The following NBEA variants were observed in gnomAD, a reference collection of about 807,000 sequenced individuals.
NBEA encodes lysosomal-trafficking regulator 2.
A neutral mutation model predicts 343.4 loss-of-function variants in NBEA; 44 were observed. The ratio of observed to expected loss-of-function variants is 0.13; its 90% CI spans 0.10 to 0.16. The LOEUF is 0.16. Ranked by LOEUF, NBEA falls within the 10% of genes least tolerant of loss-of-function variation. The pLI is 1.00. For missense variants in NBEA, 2,555 were observed against 3,631.3 expected (o/e 0.70, Z 7.62); for synonymous variants, 1,175 against 1,238.7 (o/e 0.95, Z 1.08).
At chr13:35,045,432 T>C in intron 4 of NBEA, 31 bp downstream of exon 4, 1 of 1,491,730 alleles carries the variant, frequency 6.7e-7, no homozygotes, top group South Asian at 1.2e-5. Context: ...CTGATTTTTA[T>C]TTATTTATTT....
chr13:35,369,927 CT>C (rs1247729311), intron 38 of NBEA, among the ~76,000 whole-genome samples: 1 of 151,806 alleles, frequency 6.6e-6, no homozygotes, highest in African/African-American at 2.4e-5. Context: ...CTTGTTGAGA[CT>C]TATTTTGTGT....
At chr13:35,273,823 G>C (rs1453995221) in intron 34 of NBEA, among the ~76,000 whole-genome samples, 2 of 152,028 alleles carry the variant, frequency 1.3e-5, no homozygotes, top group African/African-American at 4.8e-5. Flanking sequence ...GGAAGAAGTT[G>C]AATCTCTGAA....
At position 35,070,862 on chromosome 13, in the gene NBEA, C is replaced by G; in HGVS notation, c.1571+10C>G. 6.2e-7 allele frequency: 1 copy of G among 1,609,418 alleles called. No individual in the cohort carries two copies. On this transcript the variant is annotated intron_variant, in intron 10 of 58. Coordinates refer to ENST00000379939, the MANE Select transcript of NBEA (RefSeq NM_001385012.1). ...TGGAAACAACTGTCTGGTAAGTTTT[C>G]TTTGCATGTACAATTGCTGGTATTT...
intron 33 of NBEA, among the ~76,000 whole-genome samples, chr13:35,220,327 C>T (rs2074294780): frequency 6.6e-6 from 1 of 152,146 alleles, no homozygotes; most frequent in East Asian, 1.9e-4. Context: ...TTCTGAATGT[C>T]TGACCTCCAC....
intron 14 of NBEA, among the ~76,000 whole-genome samples, chr13:35,117,880 A>G (rs1407982631): frequency 1.3e-5 from 2 of 152,158 alleles, no homozygotes; most frequent in East Asian, 3.9e-4. Flanking sequence ...ATTGTGAGAT[A>G]GTACACAAAA....
chr13:35,584,327 T>C (rs2081190610), intron 46 of NBEA, among the ~76,000 whole-genome samples: 1 of 151,052 alleles, frequency 6.6e-6, no homozygotes, highest in Non-Finnish European at 1.5e-5. Flanking sequence ...TTTTTTTTTT[T>C]TTTTCAGTGA....
In NBEA at chr13:35,045,398, T is replaced by C. The variant is rs576766364; in HGVS notation, c.720T>C (p.Ala240=). 1 of 1,604,078 alleles carries C rather than the reference T, an allele frequency of 6.2e-7. No homozygotes were observed. The highest frequency in any genetic ancestry group is 1.3e-5 in the African/African-American group (1 of 74,644). ...DTFFNFPGCS[A]AAIALPPIAK... ...TTTTCAATTTCCCTGGTTGTAGCGC[T>C]GCGGTAAGTTTTAAATACATGTGCT... The change falls in exon 4 of 59, where the codon GCT becomes GCC. Residue 240 remains alanine, a synonymous_variant. Coordinates refer to ENST00000379939, the MANE Select transcript of NBEA (RefSeq NM_001385012.1).
At chr13:35,099,631 G>A (rs2065534824) in intron 11 of NBEA, among the ~76,000 whole-genome samples, 1 of 152,000 alleles carries the variant, frequency 6.6e-6, no homozygotes. Flanking sequence ...TGTGGTAATA[G>A]AAACATTATT....
At chr13:35,139,031 TAC>T in intron 17 of NBEA, among the ~76,000 whole-genome samples, 1 of 150,872 alleles carries the variant, frequency 6.6e-6, no homozygotes, top group Non-Finnish European at 1.5e-5. Flanking sequence ...TTTTCATATA[TAC>T]TCTGAATTTG....
intron 45 of NBEA, among the ~76,000 whole-genome samples, chr13:35,576,183 C>G (rs73171582): frequency 0.031 from 4,716 of 150,136 alleles, 103 homozygotes; most frequent in South Asian, 0.11. Context: ...GTGGTGCAAT[C>G]TTGGCTCACT....
intron 36 of NBEA, among the ~76,000 whole-genome samples, chr13:35,328,316 A>G (rs1420303988): frequency 1.3e-5 from 2 of 152,024 alleles, no homozygotes; most frequent in Non-Finnish European, 2.9e-5. Context: ...AAAATATACA[A>G]AAGACTCATA....
At chr13:35,253,977 C>A (rs957921808) in intron 34 of NBEA, among the ~76,000 whole-genome samples, 3 of 152,140 alleles carry the variant, frequency 2.0e-5, no homozygotes, top group African/African-American at 7.2e-5. Flanking sequence ...GGTATTTAGT[C>A]AGGGACATTT....
chr13:35,353,714 T>C (rs1244610175), intron 38 of NBEA, among the ~76,000 whole-genome samples: 1 of 152,134 alleles, frequency 6.6e-6, no homozygotes, highest in African/African-American at 2.4e-5. Context: ...AACATCTTTA[T>C]TAAGGGTGAC....
intron 34 of NBEA, among the ~76,000 whole-genome samples, chr13:35,245,301 A>T (rs1391257328): frequency 6.6e-6 from 1 of 152,128 alleles, no homozygotes; most frequent in Non-Finnish European, 1.5e-5. Context: ...TTCAATGTTA[A>T]TATTGAGATG....
At chr13:35,112,367 CATATA>C (rs1180533475) in intron 13 of NBEA, among the ~76,000 whole-genome samples, 4 of 151,910 alleles carry the variant, frequency 2.6e-5, no homozygotes, top group African/African-American at 9.7e-5. Context: ...TTTAATAATA[CATATA>C]ATGTAATTAT....
At chr13:35,277,622 CAAAAAAAAAAAAAAAAA>C (rs10603160) in intron 34 of NBEA, among the ~76,000 whole-genome samples, 1 of 49,902 alleles carries the variant, frequency 2.0e-5, no homozygotes, top group Non-Finnish European at 3.7e-5. Context: ...ACTCCGTCTC[CAAAAAAAAAAAAAAAAA>C]AAAAAAAAAG....
chr13:35,607,789 A>G (rs936281897), intron 48 of NBEA, among the ~76,000 whole-genome samples: 7 of 152,164 alleles, frequency 4.6e-5, no homozygotes, highest in African/African-American at 1.7e-4. Flanking sequence ...TCCATTCACA[A>G]AGTTGTGCAA....
intron 47 of NBEA, among the ~76,000 whole-genome samples, chr13:35,596,733 T>C (rs1171235092): frequency 1.3e-5 from 2 of 152,178 alleles, no homozygotes; most frequent in Non-Finnish European, 2.9e-5. Context: ...AAAGTTGTTA[T>C]ATTACTTTTA....
At chr13:35,599,904 C>A (rs1222902459) in intron 47 of NBEA, among the ~76,000 whole-genome samples, 1 of 152,160 alleles carries the variant, frequency 6.6e-6, no homozygotes, top group African/African-American at 2.4e-5. Context: ...CATGAGCAAG[C>A]AATTTATAAA....
Sources: allele counts gnomAD v4.1 joint callset (sites outside exome capture counted in the v4.1 genomes callset), GRCh38; gene constraint gnomAD v4.1.1; transcripts MANE v1.5; gene names NCBI Gene and HGNC (gene_info 2026-07-23, HGNC 2026-07-21).